MKLN1: variants seen among roughly 807,000 people sequenced by gnomAD.
MKLN1 encodes muskelin.
In MKLN1, 18 loss-of-function variants were observed where a neutral mutation model predicts 99.0. The observed-to-expected ratio is 0.18, with a 90% CI of 0.13 to 0.27. The LOEUF (loss-of-function observed/expected upper bound fraction) is 0.27, where lower values mean the gene tolerates loss of function less well. MKLN1 is among the 10% of genes least tolerant of loss of function. The pLI, the probability that MKLN1 is intolerant of heterozygous loss-of-function variation, is 1.00. For synonymous variants in MKLN1, 288 were observed against 293.2 expected, an observed-to-expected ratio of 0.98 and a Z score of 0.18; for missense variants, 621 against 875.9, an observed-to-expected ratio of 0.71 and a Z score of 3.67.
At chr7:131,242,808 A>G in intron 3 of MKLN1, 1 of 669,872 alleles carries the variant, frequency 1.5e-6, no homozygotes, top group Non-Finnish European at 2.8e-6. Context: ...GTCTTTTGTG[A>G]AAGTTTATAA....
intron 2 of MKLN1, among the ~76,000 whole-genome samples, chr7:131,164,204 T>C (rs1225453889): frequency 6.6e-6 from 1 of 152,158 alleles, no homozygotes; most frequent in African/African-American, 2.4e-5. Flanking sequence ...CTCTGCTCCT[T>C]GGGCTCAAGC....
chr7:131,293,199 C>T (rs1473241849), intron 3 of MKLN1, among the ~76,000 whole-genome samples: 1 of 152,172 alleles, frequency 6.6e-6, no homozygotes, highest in African/African-American at 2.4e-5. Context: ...GCTAATGGAA[C>T]TGAGCCCAGC....
At chr7:131,433,807 T>C (rs1795596473) in intron 9 of MKLN1, among the ~76,000 whole-genome samples, 1 of 152,150 alleles carries the variant, frequency 6.6e-6, no homozygotes, top group African/African-American at 2.4e-5. Context: ...CTAGAACTGT[T>C]GGGATTATGA....
At chr7:131,471,735 C>T (rs1343393402) in intron 16 of MKLN1, 1 of 152,218 alleles carries the variant, frequency 6.6e-6, no homozygotes, top group Non-Finnish European at 1.5e-5. Flanking sequence ...ACCCTTAGGT[C>T]TCTTTCCGTG....
At chr7:131,457,476 G>A (rs1796380524) in intron 12 of MKLN1, among the ~76,000 whole-genome samples, 2 of 152,104 alleles carry the variant, frequency 1.3e-5, no homozygotes, top group South Asian at 4.1e-4. Flanking sequence ...GAATTAATCA[G>A]TTGGAAGATT....
intron 2 of MKLN1, among the ~76,000 whole-genome samples, chr7:131,150,162 C>G (rs923955475): frequency 2.0e-5 from 3 of 151,990 alleles, no homozygotes; most frequent in Admixed American, 2.0e-4. Flanking sequence ...TACTAGGCAC[C>G]AAGGACTGTT....
chr7:131,443,441 A>C (rs200503504), intron 10 of MKLN1, 40 bp from the exon 11 acceptor site: 1 of 1,450,474 alleles, frequency 6.9e-7, no homozygotes, highest in African/African-American at 1.4e-5. Context: ...TATGACAGGA[A>C]CAAACTAAAA....
chr7:131,408,795 T>C (rs1584709979), intron 6 of MKLN1, among the ~76,000 whole-genome samples: 1 of 152,172 alleles, frequency 6.6e-6, no homozygotes, highest in South Asian at 2.1e-4. Flanking sequence ...TCCACTATTA[T>C]TGGAGAAAAG....
chr7:131,400,690 C>T (rs1794515532), intron 6 of MKLN1, among the ~76,000 whole-genome samples: 1 of 151,608 alleles, frequency 6.6e-6, no homozygotes, highest in Non-Finnish European at 1.5e-5. Context: ...ACAACAGCCA[C>T]AGGCAACTCT....
intron 1 of MKLN1, among the ~76,000 whole-genome samples, chr7:131,137,209 T>A (rs1795661660): frequency 6.6e-6 from 1 of 152,126 alleles, no homozygotes; most frequent in Non-Finnish European, 1.5e-5. Flanking sequence ...TTTGAGCACA[T>A]TATCGTGTTT....
At chr7:131,149,669 A>G (rs920468462) in intron 2 of MKLN1, among the ~76,000 whole-genome samples, 1 of 152,254 alleles carries the variant, frequency 6.6e-6, no homozygotes, top group Non-Finnish European at 1.5e-5. Context: ...AGTTTTTCAT[A>G]AAGCTATGAG....
At chr7:131,398,565 G>A (rs572666247) in intron 5 of MKLN1, among the ~76,000 whole-genome samples, 106 of 152,134 alleles carry the variant, frequency 7.0e-4, no homozygotes, top group Admixed American at 2.0e-3. Flanking sequence ...GTGGTAGCGC[G>A]TGCCTGTAAG....
chr7:131,352,892 TCCA>T (rs1483062759), intron 1 of MKLN1, among the ~76,000 whole-genome samples: 1 of 152,204 alleles, frequency 6.6e-6, no homozygotes, highest in East Asian at 1.9e-4. Context: ...CTATGCAGCT[TCCA>T]CCTCTGTCCC....
chr7:131,235,324 A>AGG (rs35480877), intron 3 of MKLN1, among the ~76,000 whole-genome samples: 2 of 143,812 alleles, frequency 1.4e-5, no homozygotes, highest in Non-Finnish European at 3.0e-5. Context: ...TGAGAGAGAG[A>AGG]GGGAGAGAGA....
chr7:131,142,342 C>T (rs774299953), intron 1 of MKLN1, among the ~76,000 whole-genome samples: 3 of 151,032 alleles, frequency 2.0e-5, no homozygotes, highest in Non-Finnish European at 4.4e-5. Context: ...ATCTGGGAGG[C>T]GGAGCTTGCA....
intron 2 of MKLN1, among the ~76,000 whole-genome samples, chr7:131,176,901 T>G (rs1796307343): frequency 6.6e-6 from 1 of 152,112 alleles, no homozygotes; most frequent in African/African-American, 2.4e-5. Flanking sequence ...ATAGAGCTAG[T>G]GACATGTGGC....
chr7:131,346,289 A>C (rs1013387300), intron 1 of MKLN1, among the ~76,000 whole-genome samples: 15 of 152,250 alleles, frequency 9.9e-5, no homozygotes, highest in African/African-American at 2.9e-4. Flanking sequence ...TTGGGAGGCC[A>C]AGGCAGGTGG....
At chr7:131,468,351 G>T (rs1010988240) in intron 15 of MKLN1, among the ~76,000 whole-genome samples, 1 of 152,188 alleles carries the variant, frequency 6.6e-6, no homozygotes, top group African/African-American at 2.4e-5. Flanking sequence ...GAAGAAGTTT[G>T]TGTCTATGAA....
At chr7:131,130,701 A>G (rs889798668) in intron 1 of MKLN1, among the ~76,000 whole-genome samples, 29 of 152,194 alleles carry the variant, frequency 1.9e-4, no homozygotes, top group African/African-American at 6.5e-4. Context: ...AGTAGATGAA[A>G]TGTTTTATTA....
Sources: gnomAD v4.1 joint callset for allele counts (sites outside exome capture counted in the v4.1 genomes callset) on GRCh38, gnomAD v4.1.1 for gene constraint, MANE v1.5 for transcripts, NCBI Gene and HGNC (gene_info 2026-07-23, HGNC 2026-07-21) for gene names.